The following TLR5 variants were observed in gnomAD, a reference collection of about 807,000 sequenced individuals.
TLR5 encodes toll-like receptor 5.
For synonymous variants in TLR5, 373 were observed against 384.4 expected (o/e 0.97, Z 0.35); for missense variants, 944 against 999.8 (o/e 0.94, Z 0.75).
intron 2 of TLR5, among the ~76,000 whole-genome samples, chr1:223,140,390 T>C (rs1657790069): frequency 6.6e-6 from 1 of 151,896 alleles, no homozygotes; most frequent in Non-Finnish European, 1.5e-5. Flanking sequence ...CTGCTAAAAA[T>C]ACAAAAATTA....
chr1:223,123,787 T>A (rs1436403410), intron 5 of TLR5: 1 of 152,244 alleles, frequency 6.6e-6, no homozygotes, highest in Non-Finnish European at 1.5e-5. Context: ...TGTGAAGTTG[T>A]TCCAGACCCA....
intron 5 of TLR5, among the ~76,000 whole-genome samples, chr1:223,124,651 C>A (rs908716003): frequency 6.6e-6 from 1 of 152,258 alleles, no homozygotes; most frequent in Non-Finnish European, 1.5e-5. Flanking sequence ...CTCAATCTGT[C>A]ACCCAGGCTG....
chr1:223,119,147 T>C (rs1656817831), intron 5 of TLR5, among the ~76,000 whole-genome samples: 1 of 151,972 alleles, frequency 6.6e-6, no homozygotes, highest in African/African-American at 2.4e-5. Flanking sequence ...AGAAAGTCCA[T>C]TCAGATGGTT....
intron 5 of TLR5, among the ~76,000 whole-genome samples, chr1:223,114,438 G>A (rs1426017077): frequency 1.3e-5 from 2 of 152,138 alleles, no homozygotes; most frequent in Non-Finnish European, 2.9e-5. Context: ...TAGCTCAGAG[G>A]GCAGGAGAAT....
At chr1:223,121,415 C>T (rs563059404) in intron 5 of TLR5, among the ~76,000 whole-genome samples, 4 of 152,282 alleles carry the variant, frequency 2.6e-5, no homozygotes, top group South Asian at 2.1e-4. Context: ...GCTGCAGTGC[C>T]GAGAGGTAAA....
intron 5 of TLR5, among the ~76,000 whole-genome samples, chr1:223,116,369 G>T (rs955768600): frequency 6.6e-6 from 1 of 152,122 alleles, no homozygotes; most frequent in Middle Eastern, 3.2e-3. Flanking sequence ...CACGGTGAGT[G>T]TTACAGCTCT....
At position 223,131,497 on chromosome 1, in the gene TLR5, C is replaced by T. The variant is rs933227830; in HGVS notation, c.-5+978G>A. On this transcript the variant is annotated intron_variant, in intron 5 of 5. Transcript: ENST00000642603. The surrounding 1 kb of genome is among the most constrained non-coding windows in gnomAD (Gnocchi z 4.2). The stretch of plus-strand genomic sequence containing the variant: ...ATTCCAACTCCCCCGTCAAAGGCCA[C>T]CTCAGAAGCCACCTCTGCCATGAGA... Among the ~76,000 whole-genome samples, 1 of 152,240 alleles carries T rather than the reference C, an allele frequency of 6.6e-6. No homozygotes were observed. The highest frequency in any genetic ancestry group is 2.4e-5 in the African/African-American group (1 of 41,470).
rs5744133 is a variant in TLR5, at chr1:223,137,671, G to C, written c.-438-408C>G. On this transcript the variant is annotated intron_variant, in intron 2 of 5. Transcript: ENST00000642603. ...ACTTGCAGAGGACAGGAAAGGAGGA[G>C]AGGAAGGTTTAAATGAAATATAACC... 1.7e-3 allele frequency among the ~76,000 whole-genome samples: 255 copies of C among 152,290 alleles called. 1 individual carries two copies. Among genetic ancestry groups the C allele is most frequent in the African/African-American group, 5.4e-3 (225 of 41,574 alleles).
chr1:223,136,823 CTG>C (rs1444809489), intron 3 of TLR5, among the ~76,000 whole-genome samples: 1 of 152,044 alleles, frequency 6.6e-6, no homozygotes, highest in Admixed American at 6.6e-5. Context: ...TATTTATTGA[CTG>C]TTTTTTAAAT....
intron 5 of TLR5, chr1:223,127,532 A>G (rs1004006317): frequency 6.6e-6 from 1 of 152,228 alleles, no homozygotes; most frequent in African/African-American, 2.4e-5. Context: ...ACCATGCCCA[A>G]CAAATGGGCA....
intron 2 of TLR5, among the ~76,000 whole-genome samples, chr1:223,138,295 TTTG>T (rs1368056879): frequency 6.6e-6 from 1 of 152,072 alleles, no homozygotes; most frequent in Admixed American, 6.6e-5. Context: ...TTTGTTTTGT[TTTG>T]TTTTGTTTTG....
chr1:223,120,743 C>A (rs1196885666), intron 5 of TLR5, among the ~76,000 whole-genome samples: 2 of 152,152 alleles, frequency 1.3e-5, no homozygotes, highest in Non-Finnish European at 2.9e-5. Context: ...TATGTGTGAG[C>A]AAATTTACTT....
chr1:223,113,571 T>TA (rs1349187520), intron 5 of TLR5, among the ~76,000 whole-genome samples: 1 of 152,172 alleles, frequency 6.6e-6, no homozygotes, highest in Non-Finnish European at 1.5e-5. Flanking sequence ...TCTAGGTACT[T>TA]AAAAAACATT....
At chr1:223,136,108 GA>G (rs1657601446) in intron 3 of TLR5, among the ~76,000 whole-genome samples, 1 of 152,162 alleles carries the variant, frequency 6.6e-6, no homozygotes, top group Non-Finnish European at 1.5e-5. Flanking sequence ...GTTGGGGGAA[GA>G]GGGGTGGGGT....
At chr1:223,124,631 G>A (rs1439267671) in intron 5 of TLR5, among the ~76,000 whole-genome samples, 1 of 151,958 alleles carries the variant, frequency 6.6e-6, no homozygotes, top group African/African-American at 2.4e-5. Context: ...TTTATTTTTT[G>A]AGATGAAGTC....
chr1:223,124,715 T>C (rs1296881523), intron 5 of TLR5, among the ~76,000 whole-genome samples: 1 of 152,204 alleles, frequency 6.6e-6, no homozygotes, highest in Non-Finnish European at 1.5e-5. Context: ...GTGATTCTCC[T>C]GCCTCAGCCT....
rs1657436571 is a variant in TLR5, at chr1:223,132,512, T to C, written c.-42A>G. Reference sequence around the variant, plus strand: ...GCAGAAGGGACTTCTAGTATGTTCTTATTCTAGGGGCAGAGGGTCCCTGGT... The same window carrying C: ...GCAGAAGGGACTTCTAGTATGTTCTCATTCTAGGGGCAGAGGGTCCCTGGT... On this transcript the variant is annotated 5_prime_UTR_variant, in exon 5 of 6. The change creates a new upstream start codon in the 5' untranslated region. Coordinates refer to ENST00000642603, the MANE Select transcript of TLR5 (RefSeq NM_003268.6). 1 of 152,292 alleles carries C rather than the reference T, an allele frequency of 6.6e-6. No individual in the cohort carries two copies. Among genetic ancestry groups the C allele is most frequent in the Admixed American group, 6.5e-5 (1 of 15,272 alleles). The allele number at this position is 152,292 out of a possible 1,614,324, so 9.4% of individuals were successfully genotyped here. A position where few individuals can be genotyped will look rare whatever the true frequency, so the allele number is the denominator to read the frequency against.
Position 223,110,444 on chromosome 1 carries a change from T to A in TLR5, c.*11A>T. 1 of 1,613,504 alleles carries A rather than the reference T, an allele frequency of 6.2e-7. No homozygotes were observed. Among genetic ancestry groups the A allele is most frequent in the African/African-American group, 1.3e-5 (1 of 75,038 alleles). On this transcript the variant is annotated 3_prime_UTR_variant, in exon 6 of 6. Coordinates refer to ENST00000642603, the MANE Select transcript of TLR5 (RefSeq NM_003268.6). Reference sequence around the variant, plus strand: ...TTGTGGCTTGAGATAAGTTGGAAATTGCTCCTTTGATTAGGAGATGGTTGC... The same window carrying A: ...TTGTGGCTTGAGATAAGTTGGAAATAGCTCCTTTGATTAGGAGATGGTTGC...
chr1:223,111,550 A>G lies in TLR5; in HGVS notation c.1482T>C (p.Cys494=), dbSNP rs765671656. The G allele has an allele frequency of 2.5e-6, 4 of 1,614,152 alleles. No homozygotes were observed. The highest frequency in any genetic ancestry group is 2.2e-5 in the South Asian group (2 of 91,078). ...GAGAAAGTCCCTCAAAAACATCCCA[A>G]CAGAGCTCAGTTTCCCAGGCAAGTT... ...MLQLAWETEL[C]WDVFEGLSHL... is the part of the protein sequence containing the mutation. Residue 494 remains cysteine (C), a synonymous_variant, in exon 6 of 6, where the codon TGT becomes TGC. Transcript: ENST00000642603.
Sources: gnomAD v4.1 joint callset for allele counts (sites outside exome capture counted in the v4.1 genomes callset) on GRCh38, gnomAD v4.1.1 for gene constraint, Gnocchi (gnomAD v3.1) non-coding constraint, MANE v1.5 for transcripts, NCBI Gene and HGNC (gene_info 2026-07-23, HGNC 2026-07-21) for gene names.